BLTP1: variants seen among roughly 807,000 people sequenced by gnomAD.
The protein encoded by BLTP1 is bridge-like lipid transfer protein family member 1.
At chr4:122,354,823 C>T in the BLTP1 span, among the ~76,000 whole-genome samples, 1 of 151,796 alleles carries the variant, frequency 6.6e-6, no homozygotes, top group East Asian at 1.9e-4. Context: ...TGCGCCACCA[C>T]GCCCGGCTAA....
chr4:122,174,567 A>T, the BLTP1 span: 3 of 1,608,972 alleles, frequency 1.9e-6, no homozygotes, highest in African/African-American at 1.3e-5. Flanking sequence ...TTTCCTTCCT[A>T]TAACAGGTTC....
chr4:122,209,287 A>T, the BLTP1 span: 14 of 1,613,010 alleles, frequency 8.7e-6, no homozygotes, highest in Non-Finnish European at 1.2e-5. Context: ...CTGAGTGTCA[A>T]AGTGGCCAGA....
chr4:122,350,153 A>C, the BLTP1 span: 2 of 1,494,394 alleles, frequency 1.3e-6, no homozygotes, highest in Non-Finnish European at 1.8e-6. Flanking sequence ...AATAATAATA[A>C]TCTGTATGCC....
At chr4:122,243,930 G>A in the BLTP1 span, 1 of 1,610,692 alleles carries the variant, frequency 6.2e-7, no homozygotes. Context: ...GTGGACCCTG[G>A]ATCAACCAGT....
chr4:122,266,981 T>C, the BLTP1 span: 40 of 1,340,770 alleles, frequency 3.0e-5, no homozygotes, highest in Non-Finnish European at 3.9e-5. Context: ...TTTTTGTGTA[T>C]AATTTTGTGC....
the BLTP1 span, among the ~76,000 whole-genome samples, chr4:122,312,052 T>C: frequency 1.2e-3 from 178 of 152,328 alleles, 1 homozygote; most frequent in African/African-American, 4.2e-3. Flanking sequence ...TGTTGCTTTT[T>C]AGAGACAGAA....
the BLTP1 span, among the ~76,000 whole-genome samples, chr4:122,306,227 T>C: frequency 2.3e-3 from 352 of 152,302 alleles, 2 homozygotes; most frequent in African/African-American, 8.2e-3. Context: ...TTATTTTACA[T>C]TTTAAAGTTA....
the BLTP1 span, chr4:122,300,917 GCA>G: frequency 1.0e-6 from 1 of 958,518 alleles, no homozygotes. Context: ...CATTGCCCAG[GCA>G]AAAAAAAAAA....
the BLTP1 span, among the ~76,000 whole-genome samples, chr4:122,168,265 A>G: frequency 2.6e-5 from 4 of 151,962 alleles, no homozygotes; most frequent in Non-Finnish European, 5.9e-5. Flanking sequence ...CTTTTTCACT[A>G]TGGTTTGTTA....
At chr4:122,185,068 A>G in the BLTP1 span, 2 of 985,364 alleles carry the variant, frequency 2.0e-6, no homozygotes, top group Non-Finnish European at 2.4e-6. Context: ...GTGAAGTAAT[A>G]GTGAAATCTA....
At chr4:122,286,609 A>G in the BLTP1 span, 2 of 1,614,146 alleles carry the variant, frequency 1.2e-6, 1 homozygote. Flanking sequence ...AGTTTCTGCC[A>G]CAGATATGTC....
the BLTP1 span, among the ~76,000 whole-genome samples, chr4:122,288,495 A>G: frequency 6.6e-6 from 1 of 152,010 alleles, no homozygotes; most frequent in Non-Finnish European, 1.5e-5. Flanking sequence ...AGCCTGGCCA[A>G]CATGGTGAAA....
the BLTP1 span, among the ~76,000 whole-genome samples, chr4:122,339,695 A>AT: frequency 6.6e-6 from 1 of 152,136 alleles, no homozygotes; most frequent in Non-Finnish European, 1.5e-5. Context: ...TAACTACTAT[A>AT]TAATAATCCA....
chr4:122,216,206 A>G, the BLTP1 span, among the ~76,000 whole-genome samples: 2 of 151,644 alleles, frequency 1.3e-5, no homozygotes, highest in Non-Finnish European at 1.5e-5. Flanking sequence ...ATATTTTTCA[A>G]TTGTGGACTG....
At chr4:122,228,733 C>T in the BLTP1 span, among the ~76,000 whole-genome samples, 7 of 152,002 alleles carry the variant, frequency 4.6e-5, no homozygotes, top group East Asian at 1.9e-4. Flanking sequence ...TACATCTGTG[C>T]GTATGGAGTA....
At chr4:122,355,858 T>C in the BLTP1 span, 7 of 1,612,758 alleles carry the variant, frequency 4.3e-6, no homozygotes, top group Non-Finnish European at 5.9e-6. Context: ...TGTGAAGAAT[T>C]CTAGTTTGTT....
At chr4:122,358,479 G>A in the BLTP1 span, among the ~76,000 whole-genome samples, 3,473 of 152,252 alleles carry the variant, frequency 0.023, 62 homozygotes, top group Middle Eastern at 0.058. Flanking sequence ...CAAGCACTTC[G>A]TTTTGGCCAA....
the BLTP1 span, among the ~76,000 whole-genome samples, chr4:122,309,025 A>C: frequency 6.6e-6 from 1 of 152,080 alleles, no homozygotes; most frequent in Admixed American, 6.6e-5. Context: ...CAACTAAAAG[A>C]GAGGCTTGAG....
At chr4:122,152,542 A>G in the BLTP1 span, 2 of 985,680 alleles carry the variant, frequency 2.0e-6, no homozygotes, top group Non-Finnish European at 2.4e-6. Context: ...CGTTCCCCGG[A>G]GAGAGGCCAG....
Sources: allele counts gnomAD v4.1 joint callset (sites outside exome capture counted in the v4.1 genomes callset), GRCh38; gene constraint gnomAD v4.1.1; transcripts MANE v1.5; gene names NCBI Gene and HGNC (gene_info 2026-07-23, HGNC 2026-07-21).